The following CADPS2 variants were observed in gnomAD, a reference collection of about 807,000 sequenced individuals.
The protein encoded by CADPS2 is calcium dependent secretion activator 2.
A neutral mutation model predicts 172.5 loss-of-function variants in CADPS2; 93 were observed. That is an observed-to-expected ratio of 0.54 (90% CI 0.46 to 0.64). CADPS2 has a LOEUF of 0.64. Ranked by LOEUF, CADPS2 falls within the 30% of genes least tolerant of loss-of-function variation. The probability of loss-of-function intolerance (pLI) is 0.00; values close to 1 mark genes in which losing one functional copy is unlikely to be tolerated. For synonymous variants in CADPS2, 546 were observed against 555.2 expected (o/e 0.98, Z 0.23); for missense variants, 1,420 against 1,565.9 (o/e 0.91, Z 1.57).
At chr7:122,410,259 G>T (rs921949646) in intron 19 of CADPS2, among the ~76,000 whole-genome samples, 1 of 151,942 alleles carries the variant, frequency 6.6e-6, no homozygotes, top group Non-Finnish European at 1.5e-5. Flanking sequence ...TAGGAGAATC[G>T]CTTGAACCCG....
intron 3 of CADPS2, among the ~76,000 whole-genome samples, chr7:122,645,761 A>C (rs1404427726): frequency 6.9e-6 from 1 of 144,978 alleles, no homozygotes; most frequent in Non-Finnish European, 1.5e-5. Flanking sequence ...CTTACTGTGA[A>C]TATCACTGCC....
intron 9 of CADPS2, among the ~76,000 whole-genome samples, chr7:122,496,749 C>T (rs2058761127): frequency 6.6e-6 from 1 of 152,068 alleles, no homozygotes; most frequent in Admixed American, 6.6e-5. Context: ...TTCTGCTTAA[C>T]ACATGACTAG....
chr7:122,594,714 C>A (rs1192481166), intron 6 of CADPS2, among the ~76,000 whole-genome samples: 1 of 151,760 alleles, frequency 6.6e-6, no homozygotes, highest in Non-Finnish European at 1.5e-5. Flanking sequence ...CATAGCAGCA[C>A]AGTTCAAAGA....
chr7:122,399,126 G>T (rs1402717551), intron 20 of CADPS2, among the ~76,000 whole-genome samples: 1 of 152,106 alleles, frequency 6.6e-6, no homozygotes, highest in Non-Finnish European at 1.5e-5. Context: ...GAGAGAAAGT[G>T]ACAAGAAGTG....
At chr7:122,881,159 T>C (rs1217734364) in intron 1 of CADPS2, among the ~76,000 whole-genome samples, 4 of 152,198 alleles carry the variant, frequency 2.6e-5, no homozygotes, top group Non-Finnish European at 1.5e-5. Flanking sequence ...TGTGTTTACT[T>C]TGTAAAAGTA....
At chr7:122,331,603 C>A (rs1310743287) in intron 28 of CADPS2, among the ~76,000 whole-genome samples, 5 of 152,202 alleles carry the variant, frequency 3.3e-5, no homozygotes, top group African/African-American at 1.2e-4. Flanking sequence ...CACGCCACTG[C>A]ACTCCTGCCT....
intron 1 of CADPS2, among the ~76,000 whole-genome samples, chr7:122,836,506 C>T (rs975273836): frequency 6.6e-6 from 1 of 152,098 alleles, no homozygotes; most frequent in African/African-American, 2.4e-5. Context: ...AGAGTCAAGA[C>T]CCATCAGTGT....
chr7:122,411,671 T>A (rs1478885349), intron 19 of CADPS2, among the ~76,000 whole-genome samples: 2 of 152,224 alleles, frequency 1.3e-5, no homozygotes, highest in Non-Finnish European at 2.9e-5. Flanking sequence ...TGCAATTCTG[T>A]ACTTTGTTGA....
rs180670871 is a variant in CADPS2, at chr7:122,667,810, A to G, written c.454-4241T>C. Among the ~76,000 whole-genome samples the G allele has an allele frequency of 4.6e-5, 7 of 152,330 alleles. No individual in the cohort carries two copies. In the East Asian group the frequency reaches 1.4e-3, roughly 29 times the overall value. On this transcript the variant is annotated intron_variant, in intron 2 of 29. Transcript: ENST00000449022. ...GAGAGAAAAAAAAGGATACTTCAAG[A>G]AAAAGAAAATAAAAGAACAACAGCA...
At chr7:122,508,348 T>C (rs1049997988) in intron 9 of CADPS2, among the ~76,000 whole-genome samples, 2 of 151,568 alleles carry the variant, frequency 1.3e-5, no homozygotes, top group African/African-American at 4.8e-5. Flanking sequence ...ACATTCAAAG[T>C]GTCATTGTTT....
In CADPS2 at chr7:122,441,569, A is replaced by G; in HGVS notation, c.2295T>C (p.Cys765=). The change falls in exon 16 of 30, where the codon TGT becomes TGC. Residue 765 remains cysteine, a synonymous_variant. Coordinates refer to ENST00000449022, the MANE Select transcript of CADPS2 (RefSeq NM_017954.11). Reference sequence around the variant, plus strand: ...CACCTTCAGGTCGTCCAAAGGGAAAACAGTATCTTTAAAAACAAAAGAAAG... The same window carrying G: ...CACCTTCAGGTCGTCCAAAGGGAAAGCAGTATCTTTAAAAACAAAAGAAAG... ...LENQISHFRY[C]FPFGRPEGAL... 1.3e-6 allele frequency: 2 copies of G among 1,532,912 alleles called. No individual in the cohort carries two copies. The highest frequency in any genetic ancestry group is 1.8e-6 in the Non-Finnish European group (2 of 1,139,364). The allele number at this position is 1,532,912 out of a possible 1,614,324, so 95.0% of individuals were successfully genotyped here.
intron 2 of CADPS2, among the ~76,000 whole-genome samples, chr7:122,693,586 T>G (rs976614748): frequency 6.6e-6 from 1 of 152,166 alleles, no homozygotes; most frequent in Non-Finnish European, 1.5e-5. Flanking sequence ...TCCTGAACAC[T>G]GAGACTTGGA....
intron 6 of CADPS2, among the ~76,000 whole-genome samples, chr7:122,597,553 A>C (rs577497612): frequency 1.3e-5 from 2 of 152,166 alleles, no homozygotes; most frequent in East Asian, 3.9e-4. Flanking sequence ...CACGAATAAA[A>C]CACCACATGA....
chr7:122,695,094 C>T (rs558315362), intron 2 of CADPS2, among the ~76,000 whole-genome samples: 9 of 152,270 alleles, frequency 5.9e-5, no homozygotes, highest in African/African-American at 1.9e-4. Flanking sequence ...AGGACAGTTG[C>T]ATTATAATAA....
intron 28 of CADPS2, among the ~76,000 whole-genome samples, chr7:122,332,394 C>CTTTTT (rs35258384): frequency 7.3e-6 from 1 of 137,286 alleles, no homozygotes. Context: ...TCTTCATCAT[C>CTTTTT]TTTTTTTTTT....
intron 2 of CADPS2, chr7:122,697,769 T>C (rs551798074): frequency 6.5e-7 from 1 of 1,543,586 alleles, no homozygotes; most frequent in South Asian, 1.3e-5. Context: ...TTTAATACAC[T>C]TCCTCAAAAG....
At chr7:122,344,545 G>C (rs2037276191) in intron 28 of CADPS2, among the ~76,000 whole-genome samples, 1 of 152,112 alleles carries the variant, frequency 6.6e-6, no homozygotes. Context: ...TGATAAAACT[G>C]TAATACTGCA....
At chr7:122,331,897 A>G (rs1469768875) in intron 28 of CADPS2, 1 of 152,192 alleles carries the variant, frequency 6.6e-6, no homozygotes, top group Admixed American at 6.5e-5. Context: ...TCACTTCTCT[A>G]TAGAAGGACA....
intron 1 of CADPS2, among the ~76,000 whole-genome samples, chr7:122,838,278 C>T (rs1395851964): frequency 2.0e-5 from 3 of 152,134 alleles, no homozygotes; most frequent in Non-Finnish European, 4.4e-5. Flanking sequence ...TGGGACATAT[C>T]TCAAAATAAT....
Sources: gnomAD v4.1 joint callset for allele counts (sites outside exome capture counted in the v4.1 genomes callset) on GRCh38, gnomAD v4.1.1 for gene constraint, MANE v1.5 for transcripts, NCBI Gene and HGNC (gene_info 2026-07-23, HGNC 2026-07-21) for gene names.